The following MTX2 variants were observed in gnomAD, a reference collection of about 807,000 sequenced individuals.
MTX2 encodes the protein metaxin 2, also known as metaxin-2.
Under a neutral mutation model 42.3 loss-of-function variants are expected in MTX2, and 35 were observed. The observed-to-expected ratio is 0.83, with a 90% CI of 0.63 to 1.10. MTX2 has a LOEUF of 1.10. MTX2 is among the 50% of genes least tolerant of loss of function. MTX2 has a pLI of 0.00. For synonymous variants in MTX2, 119 were observed against 100.9 expected, an observed-to-expected ratio of 1.18 and a Z score of -1.08; for missense variants, 307 against 304.1, an observed-to-expected ratio of 1.01 and a Z score of -0.07.
chr2:176,311,193 AC>A (rs1684295006), intron 3 of MTX2, among the ~76,000 whole-genome samples: 1 of 151,868 alleles, frequency 6.6e-6, no homozygotes, highest in African/African-American at 2.4e-5. Flanking sequence ...CTGGAGGTCC[AC>A]TCCAGACCCT....
intron 3 of MTX2, among the ~76,000 whole-genome samples, chr2:176,307,762 A>G (rs906299630): frequency 1.3e-5 from 2 of 152,210 alleles, no homozygotes; most frequent in Admixed American, 6.5e-5. Flanking sequence ...GTACCCTGAC[A>G]CTTTGCTGAA....
intron 1 of MTX2, among the ~76,000 whole-genome samples, chr2:176,293,840 T>C (rs1683763901): frequency 6.6e-6 from 1 of 152,214 alleles, no homozygotes; most frequent in Admixed American, 6.5e-5. Flanking sequence ...GATATTTATA[T>C]TCTCTGAGCT....
intron 1 of MTX2, among the ~76,000 whole-genome samples, chr2:176,278,962 A>C (rs1693015242): frequency 6.6e-6 from 1 of 152,136 alleles, no homozygotes; most frequent in Admixed American, 6.5e-5. Context: ...ACTTTTTTAC[A>C]TCAGTAATAA....
intron 4 of MTX2, among the ~76,000 whole-genome samples, chr2:176,324,468 A>G (rs1684662777): frequency 6.6e-6 from 1 of 151,626 alleles, no homozygotes; most frequent in East Asian, 1.9e-4. Context: ...AGATTCTTGG[A>G]GGGCATTCAT....
chr2:176,269,659 C>G lies in MTX2; in HGVS notation c.30C>G (p.Ser10=), dbSNP rs761203670. 1 of 1,598,008 alleles carries G rather than the reference C, an allele frequency of 6.3e-7. No individual in the cohort carries two copies. The highest frequency in any genetic ancestry group is 1.3e-5 in the African/African-American group (1 of 74,462). Residue 10 remains serine (S), a synonymous_variant, in exon 1 of 10, where the codon TCC becomes TCG. Transcript: ENST00000249442. ...CTCTAGTGGCGGAAGCCTTCGTCTC[C>G]CAGATTGCAGGTAGCGCGGCTGGCC... MSLVAEAFV[S]QIAAAEPWPE... is the part of the protein sequence containing the mutation.
In MTX2 at chr2:176,282,462, G is replaced by A. The variant is rs111447251; in HGVS notation, c.40+12793G>A. Reference sequence around the variant, plus strand: ...AGGTTTTTGGTAAATATCTAAACTCGTCTCCATGCCTCCTACCTTCTATCT... The same window carrying A: ...AGGTTTTTGGTAAATATCTAAACTCATCTCCATGCCTCCTACCTTCTATCT... On this transcript the variant is annotated intron_variant, in intron 1 of 9. Transcript: ENST00000249442. 7.2e-5 allele frequency among the ~76,000 whole-genome samples: 11 copies of A among 152,030 alleles called. No homozygotes were observed. In the South Asian group the frequency reaches 1.2e-3, roughly 17 times the overall value.
At chr2:176,300,430 A>G (rs558150525) in intron 3 of MTX2, among the ~76,000 whole-genome samples, 1 of 152,122 alleles carries the variant, frequency 6.6e-6, no homozygotes, top group Non-Finnish European at 1.5e-5. Flanking sequence ...TAACCAATAC[A>G]TAATTTATTA....
chr2:176,322,343 A>G (rs949466219), intron 3 of MTX2, among the ~76,000 whole-genome samples: 49 of 152,140 alleles, frequency 3.2e-4, no homozygotes, highest in African/African-American at 1.1e-3. Context: ...ATGATAAATA[A>G]TATCCTTGTT....
At chr2:176,328,272 A>C in intron 5 of MTX2, 21 bp from the exon 6 acceptor site, 1 of 1,484,316 alleles carries the variant, frequency 6.7e-7, no homozygotes, top group Non-Finnish European at 9.0e-7. Flanking sequence ...GTTCTTTTAA[A>C]TTTTTTTAAA....
chr2:176,295,869 C>G (rs1683859913), intron 1 of MTX2, among the ~76,000 whole-genome samples: 1 of 152,038 alleles, frequency 6.6e-6, no homozygotes, highest in South Asian at 2.1e-4. Flanking sequence ...GTCACAGAGA[C>G]TAAAGTAGTA....
intron 3 of MTX2, among the ~76,000 whole-genome samples, chr2:176,303,112 G>A (rs1684064332): frequency 6.6e-6 from 1 of 152,146 alleles, no homozygotes; most frequent in African/African-American, 2.4e-5. Context: ...TTTTAAATGA[G>A]TTGTTCAGGG....
intron 9 of MTX2, among the ~76,000 whole-genome samples, chr2:176,335,313 C>G (rs950809074): frequency 3.9e-5 from 6 of 152,054 alleles, no homozygotes; most frequent in Admixed American, 2.0e-4. Context: ...GGGTTGTATG[C>G]TATGAATGGT....
At chr2:176,306,133 C>T (rs900541328) in intron 3 of MTX2, among the ~76,000 whole-genome samples, 1 of 151,420 alleles carries the variant, frequency 6.6e-6, no homozygotes, top group Non-Finnish European at 1.5e-5. Context: ...TCTCATTGTT[C>T]AATTCCCATC....
Position 176,269,608 on chromosome 2 carries a change from G to A in MTX2, c.-22G>A. ...GAGGCCCGTGGGGGGCAGGCACCCG[G>A]GCGCCGGGCCTCCCAGCCGACATGT... On this transcript the variant is annotated 5_prime_UTR_variant, in exon 1 of 10. Coordinates refer to ENST00000249442, the MANE Select transcript of MTX2 (RefSeq NM_006554.5). 6.3e-7 allele frequency: 1 copy of A among 1,577,026 alleles called. No individual in the cohort carries two copies. The highest frequency in any genetic ancestry group is 8.6e-7 in the Non-Finnish European group (1 of 1,165,970).
chr2:176,294,423 ACAGGCGCCAG>A (rs1192842177), intron 1 of MTX2, among the ~76,000 whole-genome samples: 3 of 151,734 alleles, frequency 2.0e-5, no homozygotes, highest in African/African-American at 7.3e-5. Context: ...AGCTGGGATT[ACAGGCGCCAG>A]CCACCACGCC....
At chr2:176,282,134 T>TGTTTTTTTTTTTG (rs1163365846) in intron 1 of MTX2, among the ~76,000 whole-genome samples, 1 of 134,386 alleles carries the variant, frequency 7.4e-6, no homozygotes, top group African/African-American at 2.8e-5. Flanking sequence ...TAGTTTTTTT[T>TGTTTTTTTTTTTG]TTTTTTTTTT....
intron 3 of MTX2, among the ~76,000 whole-genome samples, chr2:176,309,924 T>C (rs1354688853): frequency 1.3e-5 from 2 of 152,192 alleles, no homozygotes; most frequent in Non-Finnish European, 2.9e-5. Context: ...AATATTGTTA[T>C]ATGTGAATTT....
At chr2:176,333,686 T>C (rs1347289176) in intron 9 of MTX2, among the ~76,000 whole-genome samples, 1 of 151,712 alleles carries the variant, frequency 6.6e-6, no homozygotes, top group Non-Finnish European at 1.5e-5. Context: ...GGACCAAATA[T>C]ATGATGATGG....
At chr2:176,270,039 G>A (rs1692761746) in intron 1 of MTX2, among the ~76,000 whole-genome samples, 1 of 152,138 alleles carries the variant, frequency 6.6e-6, no homozygotes, top group South Asian at 2.1e-4. Context: ...GGCAGTTTCT[G>A]GGTCTTGGTA....
Sources: allele counts gnomAD v4.1 joint callset (sites outside exome capture counted in the v4.1 genomes callset), GRCh38; gene constraint gnomAD v4.1.1; transcripts MANE v1.5; gene names NCBI Gene and HGNC (gene_info 2026-07-23, HGNC 2026-07-21).